The following ZNF808 variants were observed in gnomAD, a reference collection of about 807,000 sequenced individuals.
ZNF808 encodes the protein zinc finger protein 808.
A neutral mutation model predicts 8.7 loss-of-function variants in ZNF808; 5 were observed. The observed-to-expected ratio is 0.58, with a 90% CI of 0.30 to 1.21. ZNF808 has a LOEUF of 1.21. Among genes scored for constraint, ZNF808 ranks in the 50% most tolerant of loss-of-function variants. The pLI is 0.07. For missense variants in ZNF808, 1,103 were observed against 1,098.4 expected (o/e 1.00, Z -0.06); for synonymous variants, 380 against 366.0 (o/e 1.04, Z -0.44).
chr19:52,558,770 G>A (rs1004558147), downstream of ZNF808, among the ~76,000 whole-genome samples: 1 of 152,212 alleles, frequency 6.6e-6, no homozygotes, highest in African/African-American at 2.4e-5. Flanking sequence ...ACTACATTTT[G>A]TTCTGTACTA....
chr19:52,531,309 A>G (rs1276147709), intron 1 of ZNF808, among the ~76,000 whole-genome samples: 3 of 152,052 alleles, frequency 2.0e-5, no homozygotes, highest in African/African-American at 7.2e-5. Context: ...CCCGGTCTCT[A>G]TAAAACTACA....
intron 4 of ZNF808, among the ~76,000 whole-genome samples, chr19:52,549,622 A>T (rs1334414877): frequency 2.0e-5 from 3 of 152,092 alleles, no homozygotes; most frequent in Non-Finnish European, 2.9e-5. Flanking sequence ...GATTTGGTCT[A>T]TCCTAGTGGA....
At chr19:52,564,072 T>C (rs1409900450) in exon 4 of ZNF808, 6 of 631,722 alleles carry the variant, frequency 9.5e-6, no homozygotes, top group Non-Finnish European at 1.8e-5. Flanking sequence ...CTCCACTTCT[T>C]GTCATGTCTT....
At chr19:52,546,041 G>A (rs144601556) in intron 3 of ZNF808, among the ~76,000 whole-genome samples, 45 of 152,312 alleles carry the variant, frequency 3.0e-4, no homozygotes, top group Non-Finnish European at 5.1e-4. Context: ...CCTAGTATGT[G>A]TGATGCACTT....
intron 3 of ZNF808, among the ~76,000 whole-genome samples, chr19:52,546,944 T>C (rs1199985197): frequency 1.9e-5 from 2 of 104,486 alleles, no homozygotes; most frequent in African/African-American, 5.0e-5. Context: ...CTGGAATTGC[T>C]TTTTTTTTTT....
At chr19:52,562,475 A>G (rs375586269) in intron 3 of ZNF808, among the ~76,000 whole-genome samples, 35 of 152,352 alleles carry the variant, frequency 2.3e-4, no homozygotes, top group African/African-American at 7.7e-4. Context: ...CAAAGGCCCC[A>G]TCTGCAGGAA....
Position 52,537,879 on chromosome 19 carries a change from G to T in ZNF808, c.-20+4870G>T, listed in dbSNP as rs1189803850. Among the ~76,000 whole-genome samples the T allele has an allele frequency of 2.6e-5, 4 of 152,192 alleles. No individual in the cohort carries two copies. The East Asian group carries it at 7.7e-4, about 29-fold the overall frequency. On this transcript the variant is annotated intron_variant, in intron 2 of 4. Transcript: ENST00000359798. ...TGTTCTATAAATATTGGTATCAGAG[G>T]TTAGCTTCCACTTGGAATCCCTATT...
Position 52,554,313 on chromosome 19 carries a change from G to T in ZNF808, c.1397G>T (p.Cys466Phe). The T allele has an allele frequency of 6.2e-7, 1 of 1,614,028 alleles. No individual in the cohort carries two copies. Among genetic ancestry groups the T allele is most frequent in the Non-Finnish European group, 8.5e-7 (1 of 1,179,996 alleles). ...AAGGTTTGTGATACAGCTTTCACGT[G>T]TAATTCACAGCTGGCACGACATAGA... ...KCKVCDTAFTCNSQLARHRRI... is the reference protein window; with the variant it reads ...KCKVCDTAFTFNSQLARHRRI... Residue 466 changes from cysteine (C) to phenylalanine (F), a missense_variant, in exon 5 of 5, where the codon TGT becomes TTT. Cys to Phe is a radical substitution (Grantham distance 205). Transcript: ENST00000359798.
intron 1 of ZNF808, among the ~76,000 whole-genome samples, chr19:52,531,244 T>C (rs2059559351): frequency 6.6e-6 from 1 of 152,154 alleles, no homozygotes; most frequent in African/African-American, 2.4e-5. Context: ...AAGGCTGATG[T>C]GGGCGAATCA....
rs1245578275 is a variant in ZNF808, at chr19:52,554,788, A to G, written c.1872A>G (p.Arg624=). 6.2e-7 allele frequency: 1 copy of G among 1,613,942 alleles called. No homozygotes were observed. Among genetic ancestry groups the G allele is most frequent in the Non-Finnish European group, 8.5e-7 (1 of 1,179,958 alleles). ...TTCATACTGGAGAGAAACCATACAGATGTCAGGTTTGTGACACAGCTTTCA... is the reference window on the plus strand; with the variant it reads ...TTCATACTGGAGAGAAACCATACAGGTGTCAGGTTTGTGACACAGCTTTCA... The part of the protein sequence containing the change: ...KRIHTGEKPY[R]CQVCDTAFTW... The change falls in exon 5 of 5, where the codon AGA becomes AGG. Residue 624 remains arginine, a synonymous_variant. Coordinates refer to ENST00000359798, the MANE Select transcript of ZNF808 (RefSeq NM_001039886.4).
chr19:52,553,525 T>G lies in ZNF808; in HGVS notation c.609T>G (p.His203Gln), dbSNP rs540990960. The change falls in exon 5 of 5, where the codon CAT becomes CAG. Residue 203 changes from histidine to glutamine, a missense_variant. Physicochemically the swap from His to Gln is conservative, Grantham distance 24. Coordinates refer to ENST00000359798, the MANE Select transcript of ZNF808 (RefSeq NM_001039886.4). ...GAATTTCCTGTAGGCCCCAAATCCA[T>G]ATTTCTAATAACTATGGGAATAATC... Reference protein sequence around the residue: ...SQRISCRPQIHISNNYGNNPL... With the variant: ...SQRISCRPQIQISNNYGNNPL... 61 of 1,614,012 alleles carry G rather than the reference T, an allele frequency of 3.8e-5. No homozygotes were observed. Among genetic ancestry groups the G allele is most frequent in the Non-Finnish European group, 3.1e-5 (36 of 1,179,988 alleles).
At chr19:52,533,974 TTGAGAGGA>T (rs1346147398) in intron 2 of ZNF808, among the ~76,000 whole-genome samples, 1 of 151,944 alleles carries the variant, frequency 6.6e-6, no homozygotes, top group East Asian at 1.9e-4. Context: ...ATTCTGAGCC[TTGAGAGGA>T]ATGTGGTCAT....
rs189777779 is a variant in ZNF808, at chr19:52,535,275, G to T, written c.-20+2266G>T. Among the ~76,000 whole-genome samples, 10 of 142,578 alleles carry T rather than the reference G, an allele frequency of 7.0e-5. No homozygotes were observed. The East Asian group carries it at 1.5e-3, about 21-fold the overall frequency. The allele number at this position is 142,578 out of a possible 152,430, so 93.5% of individuals were successfully genotyped here. A position where few individuals can be genotyped will look rare whatever the true frequency, so the allele number is the denominator to read the frequency against. ...GAACCCGGGAGGCGGAGCTTGCAGT[G>T]AGCCAAAATCGTGCCACTGCACTCC... is the stretch of plus-strand genomic sequence containing the variant. On this transcript the variant is annotated intron_variant, in intron 2 of 4. Transcript: ENST00000359798.
rs773069535 is a variant in ZNF808, at chr19:52,554,399, AG to A, written c.1485del (p.Arg495SerfsTer41). ...CNECRKTFSR[R>X]SSLLCHRRLH... Reference sequence around the variant, plus strand: ...TGAGTGTCGCAAGACCTTCAGCCGCAGGTCATCCCTTCTATGCCATCGTAGA... The same window carrying A: ...TGAGTGTCGCAAGACCTTCAGCCGCAGTCATCCCTTCTATGCCATCGTAGA... On this transcript the variant is annotated frameshift_variant, in exon 5 of 5. Coordinates refer to ENST00000359798, the MANE Select transcript of ZNF808 (RefSeq NM_001039886.4). LOFTEE classifies it low-confidence loss of function (END_TRUNC). 1.9e-6 allele frequency: 3 copies of A among 1,613,898 alleles called. No homozygotes were observed. The African/African-American group carries it at 4.0e-5, about 22-fold the overall frequency.
Position 52,553,832 on chromosome 19 carries a change from C to G in ZNF808, c.916C>G (p.His306Asp). Residue 306 changes from histidine (H) to aspartate (D), a missense_variant, in exon 5 of 5, where the codon CAT becomes GAT. Physicochemically the swap from His to Asp is moderately conservative, Grantham distance 81. Coordinates refer to ENST00000359798, the MANE Select transcript of ZNF808 (RefSeq NM_001039886.4). ...TTACAAGTCATCCCTTACATGCCATCATAGACTTCATACTGGAGTAAAACC... is the reference window on the plus strand; with the variant it reads ...TTACAAGTCATCCCTTACATGCCATGATAGACTTCATACTGGAGTAAAACC... Reference protein sequence around the residue: ...FSYKSSLTCHHRLHTGVKPYK... With the variant: ...FSYKSSLTCHDRLHTGVKPYK... The G allele has an allele frequency of 6.2e-7, 1 of 1,614,094 alleles. No homozygotes were observed.
downstream of ZNF808, among the ~76,000 whole-genome samples, chr19:52,556,999 G>A (rs2123218966): frequency 6.6e-6 from 1 of 152,102 alleles, no homozygotes; most frequent in Non-Finnish European, 1.5e-5. Flanking sequence ...TTTAAATGGA[G>A]TCTCGCTCTG....
At chr19:52,535,315 A>G (rs1334843600) in intron 2 of ZNF808, among the ~76,000 whole-genome samples, 10 of 135,760 alleles carry the variant, frequency 7.4e-5, no homozygotes, top group African/African-American at 2.6e-4. Flanking sequence ...TGGGTGACAG[A>G]GCGAGACTCC....
chr19:52,547,888 C>T (rs1234995399), intron 4 of ZNF808, among the ~76,000 whole-genome samples: 3 of 151,694 alleles, frequency 2.0e-5, no homozygotes, highest in Non-Finnish European at 2.9e-5. Flanking sequence ...TACAGGCATG[C>T]GCCACCATGC....
At chr19:52,565,268 A>G (rs148945280), downstream of ZNF808, among the ~76,000 whole-genome samples, 10 of 152,232 alleles carry the variant, frequency 6.6e-5, no homozygotes, top group African/African-American at 2.2e-4. Flanking sequence ...ACAAGAGCAA[A>G]ACTCCATCTG....
Sources: allele counts gnomAD v4.1 joint callset (sites outside exome capture counted in the v4.1 genomes callset), GRCh38; gene constraint gnomAD v4.1.1; transcripts MANE v1.5; gene names NCBI Gene and HGNC (gene_info 2026-07-23, HGNC 2026-07-21).